Variants in CACNA1I observed in about 807,000 individuals in gnomAD.
The protein encoded by CACNA1I is voltage-dependent T-type calcium channel subunit alpha-1I.
A neutral mutation model predicts 201.6 loss-of-function variants in CACNA1I; 74 were observed. The observed-to-expected ratio is 0.37, with a 90% CI of 0.30 to 0.45. The LOEUF (loss-of-function observed/expected upper bound fraction) is 0.45, where lower values mean the gene tolerates loss of function less well. Ranked by LOEUF, CACNA1I falls within the 20% of genes least tolerant of loss-of-function variation. The pLI, the probability that CACNA1I is intolerant of heterozygous loss-of-function variation, is 1.00. For missense variants in CACNA1I, 2,346 were observed against 3,138.1 expected (o/e 0.75, Z 6.03); for synonymous variants, 1,431 against 1,345.2 (o/e 1.06, Z -1.40).
intron 1 of CACNA1I, among the ~76,000 whole-genome samples, chr22:39,589,906 A>G (rs1218849655): frequency 6.6e-6 from 1 of 152,232 alleles, no homozygotes; most frequent in Non-Finnish European, 1.5e-5. Flanking sequence ...GAAGTGGATC[A>G]GATTTTAGAT....
intron 1 of CACNA1I, among the ~76,000 whole-genome samples, chr22:39,571,838 T>C (rs1932194547): frequency 6.6e-6 from 1 of 152,250 alleles, no homozygotes; most frequent in Admixed American, 6.5e-5. Context: ...CCTGGGGTAC[T>C]GTCAGATGAC....
chr22:39,645,194 C>T (rs915056884), intron 7 of CACNA1I, among the ~76,000 whole-genome samples: 11 of 152,236 alleles, frequency 7.2e-5, no homozygotes, highest in Admixed American at 5.2e-4. Flanking sequence ...ATGATGTTGG[C>T]CAGGCTGGTC....
At chr22:39,644,562 G>A (rs1284708950) in intron 7 of CACNA1I, among the ~76,000 whole-genome samples, 1 of 152,210 alleles carries the variant, frequency 6.6e-6, no homozygotes, top group Non-Finnish European at 1.5e-5. Context: ...AGCAAAGTCA[G>A]GACAAATGCA....
At chr22:39,678,833 CG>C (rs1330063153) in intron 31 of CACNA1I, among the ~76,000 whole-genome samples, 1 of 152,182 alleles carries the variant, frequency 6.6e-6, no homozygotes, top group African/African-American at 2.4e-5. Context: ...CTGACTGTCC[CG>C]GGGAAGCAGG....
chr22:39,671,133 T>C (rs535511627), intron 26 of CACNA1I, among the ~76,000 whole-genome samples, 179 bp downstream of exon 26: 1 of 152,176 alleles, frequency 6.6e-6, no homozygotes, highest in South Asian at 2.1e-4. Flanking sequence ...AAGCTTGCCC[T>C]CAGGAAGCTC....
Position 39,668,277 on chromosome 22 carries a change from C to T in CACNA1I, c.4105-15C>T. 3 of 1,578,774 alleles carry T rather than the reference C, an allele frequency of 1.9e-6. No homozygotes were observed. The highest frequency in any genetic ancestry group is 2.6e-6 in the Non-Finnish European group (3 of 1,148,134). ...CAGTCCTCACCCCTGCATTCCGCCT[C>T]CCCATGTCTCCCAGGCTCTGATGTC... On this transcript the variant is annotated splice_polypyrimidine_tract_variant and intron_variant, in intron 23 of 36. Coordinates refer to ENST00000402142, the MANE Select transcript of CACNA1I (RefSeq NM_021096.4).
Position 39,686,740 on chromosome 22 carries a change from TG to T in CACNA1I, c.*338del, listed in dbSNP as rs920427584. 1.3e-5 allele frequency: 2 copies of T among 150,500 alleles called. No homozygotes were observed. The highest frequency in any genetic ancestry group is 4.9e-5 in the African/African-American group (2 of 40,930). 9.3% of individuals were successfully genotyped at this position (150,500 alleles called of 1,614,324 possible). A position where few individuals can be genotyped will look rare whatever the true frequency, so the allele number is the denominator to read the frequency against. On this transcript the variant is annotated 3_prime_UTR_variant, in exon 37 of 37. Transcript: ENST00000402142. ...TATGACTTCCAGAAAGTGCTAAAGGTGGGAGGTGGGCCAGGGCCTGGACGGG... is the reference window on the plus strand; with the variant it reads ...TATGACTTCCAGAAAGTGCTAAAGGTGGAGGTGGGCCAGGGCCTGGACGGG...
chr22:39,660,105 C>T (rs2045433955), intron 14 of CACNA1I, among the ~76,000 whole-genome samples: 1 of 152,118 alleles, frequency 6.6e-6, no homozygotes, highest in Non-Finnish European at 1.5e-5. Flanking sequence ...TCGAAATCCC[C>T]CAAGATTAGG....
intron 4 of CACNA1I, among the ~76,000 whole-genome samples, chr22:39,633,272 T>C (rs1934113474): frequency 6.6e-6 from 1 of 152,094 alleles, no homozygotes; most frequent in African/African-American, 2.4e-5. Context: ...TGAGGTGACT[T>C]AGACAAGGGC....
intron 2 of CACNA1I, among the ~76,000 whole-genome samples, chr22:39,599,751 C>T (rs1409310623): frequency 6.6e-6 from 1 of 152,128 alleles, no homozygotes; most frequent in Non-Finnish European, 1.5e-5. Context: ...GGCCCCAGGC[C>T]TGGTTAGCCT....
chr22:39,653,608 C>T (rs890971827), intron 10 of CACNA1I, among the ~76,000 whole-genome samples: 2 of 152,176 alleles, frequency 1.3e-5, no homozygotes, highest in African/African-American at 4.8e-5. Flanking sequence ...GGGCCTTGCC[C>T]CATACCCCAT....
Position 39,649,651 on chromosome 22 carries a change from G to A in CACNA1I, c.1718G>A (p.Gly573Asp). Residue 573 changes from glycine to aspartate, a missense_variant, in exon 10 of 37, where the codon GGC becomes GAC. Around this residue, in one of 13 missense-constraint regions of CACNA1I, gnomAD observed 312 missense variants for 331.5 expected, o/e 0.94. Coordinates refer to ENST00000402142, the MANE Select transcript of CACNA1I (RefSeq NM_021096.4). The surrounding 1 kb of genome is among the most constrained non-coding windows in gnomAD (Gnocchi z 7.3). Reference protein sequence around the residue: ...RPSGLGSTDSGQEGSGSGSSA... With the variant: ...RPSGLGSTDSDQEGSGSGSSA... Reference sequence around the variant, plus strand: ...TCGGGCCTGGGCAGCACCGACTCGGGCCAGGAGGGCTCGGGCTCCGGGAGC... The same window carrying A: ...TCGGGCCTGGGCAGCACCGACTCGGACCAGGAGGGCTCGGGCTCCGGGAGC... 1.3e-6 allele frequency: 2 copies of A among 1,519,526 alleles called. No homozygotes were observed. The highest frequency in any genetic ancestry group is 8.8e-7 in the Non-Finnish European group (1 of 1,130,896). The allele number at this position is 1,519,526 out of a possible 1,614,324, so 94.1% of individuals were successfully genotyped here.
rs1395890461 is a variant in CACNA1I at position 39,620,275 on chromosome 22, CCATACGTA to C, written c.580+874_580+881del. Among the ~76,000 whole-genome samples, 10 of 44,454 alleles carry C rather than the reference CCATACGTA, an allele frequency of 2.2e-4. No homozygotes were observed. The East Asian group carries it at 0.057, about 254-fold the overall frequency. The allele number at this position is 44,454 out of a possible 152,430, so 29.2% of individuals were successfully genotyped here. ...TCCATCCATCCATCCATCCATCCAT[CCATACGTA>C]CATACATACATCTGCTCATCTTTCT... On this transcript the variant is annotated intron_variant, in intron 4 of 36. Transcript: ENST00000402142.
intron 17 of CACNA1I, 67 bp downstream of exon 17, chr22:39,662,502 G>A: frequency 8.2e-7 from 1 of 1,224,318 alleles, no homozygotes; most frequent in Non-Finnish European, 1.1e-6. Context: ...TGCGGCCCCA[G>A]GAGGCGGGGC....
chr22:39,678,090 C>T lies in CACNA1I; in HGVS notation c.5037C>T (p.Asn1679=), dbSNP rs1935571983. The change falls in exon 31 of 37, where the codon AAC becomes AAT. Residue 1679 remains asparagine (N), a synonymous_variant. Transcript: ENST00000402142. ...LTLFQVSTGD[N]WNGIMKDTLR... ...TCTTCCAGGTCTCCACGGGTGACAA[C>T]TGGAACGGGATCATGAAGGTACTCC... 1 of 1,611,714 alleles carries T rather than the reference C, an allele frequency of 6.2e-7. No individual in the cohort carries two copies. The highest frequency in any genetic ancestry group is 1.7e-5 in the Admixed American group (1 of 59,778).
In CACNA1I at chr22:39,638,498, C is replaced by T. The variant is rs554971193; in HGVS notation, c.741-2369C>T. ...CTGTTTACACTTATTCTTTCCCATG[C>T]TGAATATTACCAACCATGAAATGTT... On this transcript the variant is annotated intron_variant, in intron 5 of 36. Transcript: ENST00000402142. Among the ~76,000 whole-genome samples, 3 of 152,316 alleles carry T rather than the reference C, an allele frequency of 2.0e-5. No individual in the cohort carries two copies. In the South Asian group the frequency reaches 6.2e-4, roughly 32 times the overall value.
intron 5 of CACNA1I, 43 bp downstream of exon 5, chr22:39,634,767 A>T (rs776280205): frequency 6.3e-7 from 1 of 1,582,890 alleles, no homozygotes; most frequent in South Asian, 1.1e-5. Context: ...GGGGACTCTT[A>T]CTAAGACACA....
At position 39,662,060 on chromosome 22, in the gene CACNA1I, G is replaced by A. The variant is rs1301129785; in HGVS notation, c.2997G>A (p.Pro999=). The A allele has an allele frequency of 9.0e-6, 14 of 1,554,532 alleles. No individual in the cohort carries two copies. Among genetic ancestry groups the A allele is most frequent in the South Asian group, 1.2e-5 (1 of 84,904 alleles). ...GGAACAGCCTCAAGCACAAGCCGCCGTCGGCGGAGCATGAGTCCCTGCTCT... is the reference window on the plus strand; with the variant it reads ...GGAACAGCCTCAAGCACAAGCCGCCATCGGCGGAGCATGAGTCCCTGCTCT... The part of the protein sequence containing the change: ...SSWNSLKHKP[P]SAEHESLLSA... Residue 999 remains proline (P), a synonymous_variant, in exon 17 of 37, where the codon CCG becomes CCA. Coordinates refer to ENST00000402142, the MANE Select transcript of CACNA1I (RefSeq NM_021096.4).
chr22:39,665,833 C>G lies in CACNA1I; in HGVS notation c.3979-48C>G, dbSNP rs375527921. 11 of 1,612,256 alleles carry G rather than the reference C, an allele frequency of 6.8e-6. No homozygotes were observed. The African/African-American group carries it at 1.5e-4, about 21-fold the overall frequency. The stretch of plus-strand genomic sequence containing the variant: ...GATCGAGAGGCGAGTTCCTCTCTGA[C>G]TTGCAACCCTCACCTGTGAGAGCAC... On this transcript the variant is annotated intron_variant, in intron 22 of 36. Transcript: ENST00000402142. The surrounding 1 kb of genome is among the most constrained non-coding windows in gnomAD (Gnocchi z 5.5).
Sources: allele counts gnomAD v4.1 joint callset (sites outside exome capture counted in the v4.1 genomes callset), GRCh38; gene constraint gnomAD v4.1.1; regional missense constraint gnomAD v4.1.1; non-coding constraint Gnocchi (gnomAD v3.1); transcripts MANE v1.5; gene names NCBI Gene and HGNC (gene_info 2026-07-23, HGNC 2026-07-21).